KLF8: variants seen among roughly 807,000 people sequenced by gnomAD.
The protein encoded by KLF8 is KLF transcription factor 8.
Under a neutral mutation model 18.2 loss-of-function variants are expected in KLF8, and 10 were observed. The ratio of observed to expected loss-of-function variants is 0.55; its 90% confidence interval spans 0.34 to 0.93. KLF8 has a LOEUF of 0.93. Among genes scored for constraint, KLF8 ranks in the 40% least tolerant of loss-of-function variants. The probability of loss-of-function intolerance (pLI) is 0.02; values close to 1 mark genes in which losing one functional copy is unlikely to be tolerated. For synonymous variants in KLF8, 109 were observed against 97.3 expected (o/e 1.12, Z -0.71); for missense variants, 264 against 277.9 (o/e 0.95, Z 0.36).
At chrX:56,113,042 G>A in the KLF8 span, among the ~76,000 whole-genome samples, 3 of 109,450 alleles carry the variant, frequency 2.7e-5, no homozygotes, top group African/African-American at 3.3e-5. Context: ...GTGAAACCCC[G>A]TCTCTACTAA....
chrX:55,974,629 T>C, the KLF8 span, among the ~76,000 whole-genome samples: 2 of 112,536 alleles, frequency 1.8e-5, no homozygotes, highest in South Asian at 7.4e-4. Context: ...TGATGAGTAG[T>C]ATTTACTTAT....
At chrX:56,219,706 G>C in the KLF8 span, among the ~76,000 whole-genome samples, 2 of 110,974 alleles carry the variant, frequency 1.8e-5, no homozygotes, top group Non-Finnish European at 3.8e-5. Context: ...ACAAAAATTA[G>C]CTGGGCATGG....
chrX:56,090,191 A>G, the KLF8 span, among the ~76,000 whole-genome samples: 1 of 112,164 alleles, frequency 8.9e-6, no homozygotes, highest in Non-Finnish European at 1.9e-5. Flanking sequence ...CTGCCACCAC[A>G]TCAACTAACA....
At chrX:56,195,895 C>T in the KLF8 span, among the ~76,000 whole-genome samples, 1 of 111,826 alleles carries the variant, frequency 8.9e-6, no homozygotes, top group African/African-American at 3.2e-5. Flanking sequence ...TGGCAGAAAC[C>T]TTACAAGCCA....
At chrX:55,945,930 G>C in the KLF8 span, among the ~76,000 whole-genome samples, 1 of 111,083 alleles carries the variant, frequency 9.0e-6, no homozygotes. Flanking sequence ...ACTTGCAAGG[G>C]ATGTGAAGGA....
chrX:56,166,307 A>T, the KLF8 span, among the ~76,000 whole-genome samples: 1 of 111,841 alleles, frequency 8.9e-6, no homozygotes, highest in African/African-American at 3.2e-5. Context: ...TAAAACTAAA[A>T]TGTATGATAT....
At chrX:56,205,619 T>A in the KLF8 span, among the ~76,000 whole-genome samples, 2 of 112,259 alleles carry the variant, frequency 1.8e-5, no homozygotes, top group African/African-American at 3.2e-5. Flanking sequence ...GCCTGTAATT[T>A]TTTTATATGT....
chrX:56,221,312 AAC>A, the KLF8 span, among the ~76,000 whole-genome samples: 1 of 111,963 alleles, frequency 8.9e-6, no homozygotes, highest in Non-Finnish European at 1.9e-5. Context: ...GCCTTATTCC[AAC>A]ACAGAGTGGC....
At chrX:55,951,411 G>A in the KLF8 span, among the ~76,000 whole-genome samples, 1 of 106,941 alleles carries the variant, frequency 9.4e-6, no homozygotes, top group Non-Finnish European at 1.9e-5. Flanking sequence ...GGGAGGTGGA[G>A]GTTGCAGTGA....
chrX:56,199,060 C>T, the KLF8 span, among the ~76,000 whole-genome samples: 1 of 111,730 alleles, frequency 9.0e-6, no homozygotes. Context: ...AAACTAGATC[C>T]CTTCCTTACA....
the KLF8 span, among the ~76,000 whole-genome samples, chrX:56,046,863 A>G: frequency 9.0e-6 from 1 of 111,128 alleles, no homozygotes; most frequent in Non-Finnish European, 1.9e-5. Context: ...TTAGGCGATG[A>G]TCTTTTTTCC....
At chrX:56,205,606 T>A in the KLF8 span, among the ~76,000 whole-genome samples, 1 of 112,378 alleles carries the variant, frequency 8.9e-6, no homozygotes, top group Non-Finnish European at 1.9e-5. Flanking sequence ...ATTAGAGATA[T>A]TGGCCTGTAA....
intron 3 of KLF8, chrX:56,268,752 CTG>C (rs1014967728): frequency 3.1e-5 from 24 of 778,102 alleles, no homozygotes; most frequent in Middle Eastern, 3.9e-4. Context: ...ATCTAGGAGA[CTG>C]TTGACCACCT....
At chrX:56,058,233 C>CACACATATATATACATATATAT in the KLF8 span, among the ~76,000 whole-genome samples, 1 of 19,730 alleles carries the variant, frequency 5.1e-5, no homozygotes, top group African/African-American at 1.0e-4. Flanking sequence ...TATATATATA[C>CACACATATATATACATATATAT]ACACATATAT....
chrX:56,084,696 G>T, the KLF8 span, among the ~76,000 whole-genome samples: 6 of 112,052 alleles, frequency 5.4e-5, no homozygotes, highest in Admixed American at 9.5e-5. Context: ...TAATAATTTT[G>T]CTTGTTTTAA....
chrX:56,023,245 A>G, the KLF8 span, among the ~76,000 whole-genome samples: 1 of 112,092 alleles, frequency 8.9e-6, no homozygotes, highest in Non-Finnish European at 1.9e-5. Flanking sequence ...GAAGACAGCA[A>G]TGGAAAACAA....
At chrX:56,186,019 A>G in the KLF8 span, among the ~76,000 whole-genome samples, 1 of 112,171 alleles carries the variant, frequency 8.9e-6, no homozygotes, top group Non-Finnish European at 1.9e-5. Context: ...AAATTCACAC[A>G]TAAAAATATT....
chrX:55,979,405 T>C, the KLF8 span, among the ~76,000 whole-genome samples: 1 of 111,716 alleles, frequency 9.0e-6, no homozygotes, highest in African/African-American at 3.3e-5. Flanking sequence ...GTATGAAGTT[T>C]GGTACTATCC....
chrX:56,182,885 G>A, the KLF8 span, among the ~76,000 whole-genome samples: 1 of 112,352 alleles, frequency 8.9e-6, no homozygotes, highest in Non-Finnish European at 1.9e-5. Flanking sequence ...CTCATACTGG[G>A]AAGTGTCTCC....
Sources: allele counts gnomAD v4.1 joint callset (sites outside exome capture counted in the v4.1 genomes callset), GRCh38; gene constraint gnomAD v4.1.1; transcripts MANE v1.5; gene names NCBI Gene and HGNC (gene_info 2026-07-23, HGNC 2026-07-21).